The following ASB3 variants were observed in gnomAD, a reference collection of about 807,000 sequenced individuals.
The protein encoded by ASB3 is ankyrin repeat and SOCS box containing 3.
A neutral mutation model predicts 54.5 loss-of-function variants in ASB3; 41 were observed. That is an observed-to-expected ratio of 0.75 (90% CI 0.59 to 0.98). ASB3 has a LOEUF of 0.98. Among genes scored for constraint, ASB3 ranks in the 50% least tolerant of loss-of-function variants. The pLI is 0.00. For synonymous variants in ASB3, 266 were observed against 221.2 expected, an observed-to-expected ratio of 1.20 and a Z score of -1.80; for missense variants, 733 against 620.0, an observed-to-expected ratio of 1.18 and a Z score of -1.94.
At chr2:53,752,605 T>A (rs1409566573) in intron 2 of ASB3, among the ~76,000 whole-genome samples, 2 of 152,376 alleles carry the variant, frequency 1.3e-5, no homozygotes, top group Middle Eastern at 3.4e-3. Flanking sequence ...CCCATGGGCA[T>A]GTTTAGGCAA....
chr2:53,680,153 A>G (rs540721513), intron 9 of ASB3, among the ~76,000 whole-genome samples: 1 of 152,274 alleles, frequency 6.6e-6, no homozygotes, highest in Admixed American at 6.5e-5. Flanking sequence ...ACTGATGGGC[A>G]TTTAGGTTGA....
chr2:53,674,122 A>G (rs936402058), intron 9 of ASB3, among the ~76,000 whole-genome samples: 2 of 152,216 alleles, frequency 1.3e-5, no homozygotes, highest in African/African-American at 4.8e-5. Flanking sequence ...TTGAATTTAT[A>G]ATACGAAAAA....
intron 7 of ASB3, 101 bp downstream of exon 7, chr2:53,714,283 T>C: frequency 7.0e-7 from 1 of 1,425,628 alleles, no homozygotes; most frequent in Middle Eastern, 1.9e-4. Flanking sequence ...AATTTAGCAC[T>C]AACAGAGATA....
intron 1 of ASB3, among the ~76,000 whole-genome samples, chr2:53,776,543 C>T (rs975118598): frequency 2.0e-5 from 3 of 152,130 alleles, no homozygotes; most frequent in Non-Finnish European, 2.9e-5. Context: ...TGTAGTGGCT[C>T]ACACCTGTCA....
chr2:53,752,977 A>C, intron 2 of ASB3, among the ~76,000 whole-genome samples: 1 of 152,164 alleles, frequency 6.6e-6, no homozygotes, highest in East Asian at 1.9e-4. Context: ...AAAAGACATA[A>C]AGTTTAATCC....
intron 9 of ASB3, among the ~76,000 whole-genome samples, chr2:53,691,302 C>T (rs1668898067): frequency 6.6e-6 from 1 of 152,046 alleles, no homozygotes; most frequent in Non-Finnish European, 1.5e-5. Flanking sequence ...ATGGCATCTC[C>T]AGGACTTGAA....
At chr2:53,693,555 C>T (rs992468537) in intron 9 of ASB3, among the ~76,000 whole-genome samples, 49 of 152,094 alleles carry the variant, frequency 3.2e-4, no homozygotes, top group African/African-American at 1.2e-3. Flanking sequence ...TTTCTGACCA[C>T]AAAGTACAGA....
At chr2:53,733,532 C>T (rs1671441422) in intron 3 of ASB3, among the ~76,000 whole-genome samples, 1 of 151,992 alleles carries the variant, frequency 6.6e-6, no homozygotes, top group Non-Finnish European at 1.5e-5. Flanking sequence ...ACCTCTGTCT[C>T]CTGGGTTCAA....
In ASB3 at chr2:53,742,267, T is replaced by C. The variant is rs140993097; in HGVS notation, c.355+8516A>G. The stretch of plus-strand genomic sequence containing the variant: ...ATCCTGAGTCTAAAGGAAAACTCCA[T>C]AATATGGAATGTGCCTCTACCTCCT... On this transcript the variant is annotated intron_variant, in intron 3 of 9. Transcript: ENST00000263634. 5.4e-3 allele frequency among the ~76,000 whole-genome samples: 818 copies of C among 152,312 alleles called. 3 individuals carry two copies. Among genetic ancestry groups the C allele is most frequent in the Middle Eastern group, 0.027 (8 of 294 alleles).
chr2:53,752,892 G>A (rs1012447884), intron 2 of ASB3, among the ~76,000 whole-genome samples: 51 of 152,116 alleles, frequency 3.4e-4, no homozygotes, highest in African/African-American at 7.2e-5. Context: ...GACCTAGACC[G>A]ATGTTACATT....
intron 3 of ASB3, among the ~76,000 whole-genome samples, chr2:53,732,329 C>T (rs1558546360): frequency 6.6e-6 from 1 of 151,880 alleles, no homozygotes; most frequent in Non-Finnish European, 1.5e-5. Flanking sequence ...AATGAAATTA[C>T]CATATTAAAA....
chr2:53,706,140 T>G (rs1418511528), intron 7 of ASB3, among the ~76,000 whole-genome samples: 2 of 152,186 alleles, frequency 1.3e-5, no homozygotes. Flanking sequence ...GATAATGGAA[T>G]GAGATTTAGC....
intron 7 of ASB3, among the ~76,000 whole-genome samples, chr2:53,705,184 T>C (rs906198123): frequency 6.6e-6 from 1 of 152,250 alleles, no homozygotes; most frequent in African/African-American, 2.4e-5. Context: ...TATTTTGAGG[T>C]TTTGACTTTA....
At chr2:53,700,250 G>T in intron 8 of ASB3, 21 bp downstream of exon 8, 1 of 1,605,536 alleles carries the variant, frequency 6.2e-7, no homozygotes, top group South Asian at 1.1e-5. Context: ...GGGTAAGCCC[G>T]ACTATGGTAG....
intron 1 of ASB3, among the ~76,000 whole-genome samples, chr2:53,777,415 T>A (rs1674401011): frequency 6.6e-6 from 1 of 152,186 alleles, no homozygotes; most frequent in East Asian, 1.9e-4. Flanking sequence ...ACAAAAACAT[T>A]TCATTGTGTT....
intron 9 of ASB3, among the ~76,000 whole-genome samples, chr2:53,671,351 AGCGTGTGTGTGTGT>A (rs1167723677): frequency 4.3e-5 from 5 of 115,036 alleles, no homozygotes; most frequent in African/African-American, 1.6e-4. Context: ...CTGAACCCAA[AGCGTGTGTGTGTGT>A]GTGTGTGTGT....
chr2:53,742,835 C>T (rs937432994), intron 3 of ASB3, among the ~76,000 whole-genome samples: 2 of 152,000 alleles, frequency 1.3e-5, no homozygotes, highest in Non-Finnish European at 2.9e-5. Flanking sequence ...TGTAAACACG[C>T]TGGCCCAAGA....
intron 3 of ASB3, among the ~76,000 whole-genome samples, chr2:53,736,466 A>G (rs1370461267): frequency 6.6e-6 from 1 of 152,172 alleles, no homozygotes; most frequent in Non-Finnish European, 1.5e-5. Flanking sequence ...TGGGAGGCCG[A>G]GGCAGGCGGA....
At chr2:53,707,584 T>C (rs1669851840) in intron 7 of ASB3, among the ~76,000 whole-genome samples, 1 of 151,666 alleles carries the variant, frequency 6.6e-6, no homozygotes, top group South Asian at 2.1e-4. Context: ...GAGGCAGAGC[T>C]TGCAGTGAGC....
Sources: gnomAD v4.1 joint callset for allele counts (sites outside exome capture counted in the v4.1 genomes callset) on GRCh38, gnomAD v4.1.1 for gene constraint, MANE v1.5 for transcripts, NCBI Gene and HGNC (gene_info 2026-07-23, HGNC 2026-07-21) for gene names.